The following COP1 variants were observed in gnomAD, a reference collection of about 807,000 sequenced individuals.
COP1 encodes the protein COP1 E3 ubiquitin ligase.
In COP1, 24 loss-of-function variants were observed where a neutral mutation model predicts 101.3. That is an observed-to-expected ratio of 0.24 (90% CI 0.17 to 0.33). The LOEUF is 0.33. Ranked by LOEUF, COP1 falls within the 10% of genes least tolerant of loss-of-function variation. The pLI, the probability that COP1 is intolerant of heterozygous loss-of-function variation, is 1.00. For synonymous variants in COP1, 347 were observed against 341.9 expected (o/e 1.01, Z -0.17); for missense variants, 663 against 906.2 (o/e 0.73, Z 3.45).
chr1:176,134,756 C>CT (rs1257443296), intron 8 of COP1, among the ~76,000 whole-genome samples: 1 of 151,988 alleles, frequency 6.6e-6, no homozygotes, highest in Non-Finnish European at 1.5e-5. Context: ...GCTATCATTA[C>CT]TTTAAGAAAT....
intron 18 of COP1, among the ~76,000 whole-genome samples, chr1:175,981,148 G>A (rs573692199): frequency 7.9e-5 from 12 of 152,014 alleles, no homozygotes; most frequent in African/African-American, 2.9e-4. Flanking sequence ...TATCCTCTAA[G>A]GTTTTCTTTA....
chr1:176,037,204 C>T (rs564767750), intron 14 of COP1, among the ~76,000 whole-genome samples: 1 of 152,106 alleles, frequency 6.6e-6, no homozygotes, highest in African/African-American at 2.4e-5. Context: ...AGATGGAGAC[C>T]GTCCTGGCTA....
At chr1:176,201,640 T>A (rs941480838) in intron 1 of COP1, among the ~76,000 whole-genome samples, 4 of 152,220 alleles carry the variant, frequency 2.6e-5, no homozygotes, top group Non-Finnish European at 5.9e-5. Context: ...CAATTCCAAG[T>A]TAATAGTCTT....
At chr1:176,179,886 C>G (rs1435860477) in intron 2 of COP1, among the ~76,000 whole-genome samples, 2 of 151,050 alleles carry the variant, frequency 1.3e-5, no homozygotes, top group African/African-American at 4.9e-5. Context: ...TGGGACATAG[C>G]TGGAAGTAAC....
chr1:176,206,351 C>A, intron 1 of COP1: 1 of 556,538 alleles, frequency 1.8e-6, no homozygotes, highest in African/African-American at 1.9e-5. Flanking sequence ...TTACCTACCT[C>A]TTTATTATCC....
intron 15 of COP1, among the ~76,000 whole-genome samples, chr1:176,003,641 G>T (rs1253011467): frequency 2.0e-5 from 3 of 152,100 alleles, no homozygotes; most frequent in Non-Finnish European, 4.4e-5. Context: ...TCTCAGGTTT[G>T]TCAGAGATCA....
chr1:176,063,927 C>T (rs1017551811), intron 11 of COP1, among the ~76,000 whole-genome samples: 1 of 152,076 alleles, frequency 6.6e-6, no homozygotes. Context: ...CATAAAATAG[C>T]CACTCATCAC....
At chr1:175,987,194 AGT>A in intron 17 of COP1, 91 bp from the exon 18 acceptor site, 1 of 655,622 alleles carries the variant, frequency 1.5e-6, no homozygotes. Context: ...CCAAAGTTAT[AGT>A]TCAAAGATCT....
intron 9 of COP1, among the ~76,000 whole-genome samples, chr1:176,109,852 T>C (rs1684975571): frequency 6.6e-6 from 1 of 152,166 alleles, no homozygotes; most frequent in African/African-American, 2.4e-5. Flanking sequence ...GGTCTTTCTA[T>C]ATTTACCATC....
rs188175449 is a variant in COP1 at position 176,134,493 on chromosome 1, C to T, written c.968+517G>A. Among the ~76,000 whole-genome samples, 333 of 151,972 alleles carry T rather than the reference C, an allele frequency of 2.2e-3. 1 individual carries two copies. Among genetic ancestry groups the T allele is most frequent in the African/African-American group, 7.6e-3 (317 of 41,516 alleles). On this transcript the variant is annotated intron_variant, in intron 8 of 19. Coordinates refer to ENST00000367669, the MANE Select transcript of COP1 (RefSeq NM_022457.7). ...GGAAATGGTCATGACAAATATAACC[C>T]TATACTAATATCGCATATAGAAGAA...
chr1:176,028,309 A>T (rs557811709), intron 14 of COP1, among the ~76,000 whole-genome samples: 5 of 152,218 alleles, frequency 3.3e-5, no homozygotes, highest in African/African-American at 1.2e-4. Flanking sequence ...TCATGACTGT[A>T]ATCACAGCAC....
intron 8 of COP1, among the ~76,000 whole-genome samples, chr1:176,133,180 G>GTA (rs572041458): frequency 6.2e-5 from 8 of 129,502 alleles, no homozygotes; most frequent in East Asian, 2.4e-4. Context: ...ACACACATAC[G>GTA]TATATACGTA....
chr1:176,196,027 AC>A (rs763856485), intron 1 of COP1, among the ~76,000 whole-genome samples: 2 of 152,210 alleles, frequency 1.3e-5, no homozygotes, highest in Non-Finnish European at 2.9e-5. Flanking sequence ...TAAACAACAT[AC>A]TTCTGAATAA....
At chr1:175,978,908 T>C (rs1655181839) in intron 18 of COP1, among the ~76,000 whole-genome samples, 1 of 152,192 alleles carries the variant, frequency 6.6e-6, no homozygotes, top group Non-Finnish European at 1.5e-5. Context: ...AGTAGCATTT[T>C]TTAATTAACA....
chr1:176,008,305 T>C (rs939963392), intron 15 of COP1, among the ~76,000 whole-genome samples: 1 of 152,196 alleles, frequency 6.6e-6, no homozygotes, highest in African/African-American at 2.4e-5. Context: ...ACCCATCTTC[T>C]GCGTTGCTCA....
chr1:175,972,706 T>A (rs6660080), intron 18 of COP1, among the ~76,000 whole-genome samples: 42,855 of 151,802 alleles, frequency 0.28, 6,811 homozygotes, highest in East Asian at 0.49. Flanking sequence ...CCTCAGGTGA[T>A]CTGCCCGCCT....
chr1:176,091,779 A>C (rs1681374402), intron 9 of COP1, among the ~76,000 whole-genome samples: 1 of 152,244 alleles, frequency 6.6e-6, no homozygotes, highest in East Asian at 1.9e-4. Context: ...CAGAAGTATA[A>C]TAAGTAAAAC....
intron 15 of COP1, among the ~76,000 whole-genome samples, chr1:176,014,196 G>A (rs1164003488): frequency 6.6e-6 from 1 of 152,172 alleles, no homozygotes; most frequent in Non-Finnish European, 1.5e-5. Flanking sequence ...TGACTACTGA[G>A]ATCAAGTGGG....
intron 2 of COP1, among the ~76,000 whole-genome samples, chr1:176,177,460 A>G (rs1308148177): frequency 6.6e-6 from 1 of 152,132 alleles, no homozygotes; most frequent in South Asian, 2.1e-4. Flanking sequence ...AAAAAATCAT[A>G]TATGTGTACA....
Sources: gnomAD v4.1 joint callset for allele counts (sites outside exome capture counted in the v4.1 genomes callset) on GRCh38, gnomAD v4.1.1 for gene constraint, MANE v1.5 for transcripts, NCBI Gene and HGNC (gene_info 2026-07-23, HGNC 2026-07-21) for gene names.